CDH18: variants seen among roughly 807,000 people sequenced by gnomAD.
CDH18 encodes cadherin 18.
Under a neutral mutation model 67.9 loss-of-function variants are expected in CDH18, and 31 were observed. The observed-to-expected ratio is 0.46, with a 90% CI of 0.34 to 0.62. The LOEUF (loss-of-function observed/expected upper bound fraction) is 0.62, where lower values mean the gene tolerates loss of function less well. Ranked by LOEUF, CDH18 falls within the 20% of genes least tolerant of loss-of-function variation. CDH18 has a pLI of 0.01. For missense variants in CDH18, 890 were observed against 975.5 expected (o/e 0.91, Z 1.17); for synonymous variants, 362 against 347.2 (o/e 1.04, Z -0.48).
intron 1 of CDH18, among the ~76,000 whole-genome samples, chr5:20,570,020 G>A (rs775623791): frequency 2.0e-5 from 3 of 152,126 alleles, no homozygotes; most frequent in Non-Finnish European, 2.9e-5. Flanking sequence ...TTACGGAGAA[G>A]GAACTGAAGA....
intron 4 of CDH18, among the ~76,000 whole-genome samples, chr5:19,735,929 A>G (rs1768261147): frequency 6.6e-6 from 1 of 152,226 alleles, no homozygotes; most frequent in South Asian, 2.1e-4. Flanking sequence ...GGATATCTAC[A>G]TGACAATTAT....
chr5:19,882,141 CAT>C (rs1787728613), intron 2 of CDH18, among the ~76,000 whole-genome samples: 1 of 152,120 alleles, frequency 6.6e-6, no homozygotes, highest in African/African-American at 2.4e-5. Flanking sequence ...ACTCATAATA[CAT>C]GTCTTACAAT....
intron 10 of CDH18, among the ~76,000 whole-genome samples, chr5:19,518,027 T>C (rs1034058710): frequency 6.6e-6 from 1 of 152,010 alleles, no homozygotes; most frequent in Non-Finnish European, 1.5e-5. Context: ...ATAATGTATT[T>C]CAAGAACATT....
chr5:20,371,738 AAGG>A (rs770752627), intron 1 of CDH18, among the ~76,000 whole-genome samples: 53 of 152,200 alleles, frequency 3.5e-4, no homozygotes, highest in Non-Finnish European at 7.2e-4. Flanking sequence ...AAAGTTCCTA[AAGG>A]AGAAGGGCCC....
chr5:20,140,218 A>T (rs1169842549), intron 2 of CDH18, among the ~76,000 whole-genome samples: 2 of 152,180 alleles, frequency 1.3e-5, no homozygotes, highest in Non-Finnish European at 2.9e-5. Context: ...TGTCACAAGG[A>T]TAGAAAACCA....
At chr5:19,985,140 T>A (rs1799432786) in intron 1 of CDH18, among the ~76,000 whole-genome samples, 2 of 152,278 alleles carry the variant, frequency 1.3e-5, no homozygotes, top group South Asian at 4.1e-4. Context: ...CCCAAAAATG[T>A]TAGCATATGA....
intron 1 of CDH18, among the ~76,000 whole-genome samples, chr5:20,281,097 C>T (rs946799331): frequency 2.6e-5 from 4 of 152,036 alleles, no homozygotes; most frequent in Admixed American, 2.6e-4. Flanking sequence ...TTTGTGGATT[C>T]TGGATATTAG....
intron 1 of CDH18, among the ~76,000 whole-genome samples, chr5:20,569,146 G>A (rs567442884): frequency 1.9e-4 from 29 of 152,254 alleles, no homozygotes; most frequent in South Asian, 1.2e-3. Flanking sequence ...GCTACGAGTC[G>A]TGTACATACC....
chr5:19,922,258 G>GT (rs1792572779), intron 2 of CDH18, among the ~76,000 whole-genome samples: 1 of 152,062 alleles, frequency 6.6e-6, no homozygotes, highest in African/African-American at 2.4e-5. Flanking sequence ...CATTTCTTGT[G>GT]TTATGCATGT....
At chr5:19,962,431 T>G (rs2150309257) in intron 2 of CDH18, among the ~76,000 whole-genome samples, 1 of 148,128 alleles carries the variant, frequency 6.8e-6, no homozygotes, top group South Asian at 2.2e-4. Flanking sequence ...TTTGACATAT[T>G]TAGACTCAGT....
chr5:19,495,826 G>C (rs963593401), intron 11 of CDH18, among the ~76,000 whole-genome samples: 5 of 151,332 alleles, frequency 3.3e-5, no homozygotes, highest in Admixed American at 3.3e-4. Flanking sequence ...TAATATTCTA[G>C]AGAAGAAGCA....
intron 2 of CDH18, among the ~76,000 whole-genome samples, chr5:19,842,233 C>A (rs532856399): frequency 1.3e-5 from 2 of 152,162 alleles, no homozygotes; most frequent in Non-Finnish European, 2.9e-5. Context: ...CACCACTAGT[C>A]ACTTAGGCAC....
At chr5:19,527,041 A>G (rs964764681) in intron 9 of CDH18, among the ~76,000 whole-genome samples, 1 of 151,966 alleles carries the variant, frequency 6.6e-6, no homozygotes, top group African/African-American at 2.4e-5. Flanking sequence ...ATTTAGAACT[A>G]AAATTACTCT....
chr5:19,996,396 T>A (rs1321296929), intron 2 of CDH18, among the ~76,000 whole-genome samples: 1 of 152,080 alleles, frequency 6.6e-6, no homozygotes, highest in East Asian at 1.9e-4. Context: ...AAGTTTTTGA[T>A]ATAAACAATG....
chr5:19,785,679 AATATATATATATATATATAT>A (rs869169879), intron 3 of CDH18, among the ~76,000 whole-genome samples: 58 of 28,142 alleles, frequency 2.1e-3, no homozygotes, highest in African/African-American at 3.5e-3. Flanking sequence ...AAAAAAAAAA[AATATATATATATATATATAT>A]ATATATATAT....
intron 3 of CDH18, among the ~76,000 whole-genome samples, chr5:19,827,710 T>G (rs1433372812): frequency 6.6e-6 from 1 of 152,084 alleles, no homozygotes; most frequent in African/African-American, 2.4e-5. Flanking sequence ...AGATACACCA[T>G]ACTAGAATAT....
At chr5:20,281,488 T>C (rs1447516451) in intron 1 of CDH18, among the ~76,000 whole-genome samples, 1 of 152,186 alleles carries the variant, frequency 6.6e-6, no homozygotes, top group African/African-American at 2.4e-5. Flanking sequence ...TTCTTGTTTT[T>C]GTCAGGCTTG....
chr5:19,767,246 A>T (rs1409943997), intron 3 of CDH18, among the ~76,000 whole-genome samples: 1 of 152,050 alleles, frequency 6.6e-6, no homozygotes, highest in Non-Finnish European at 1.5e-5. Context: ...AAGCAAAAAT[A>T]ATAACATTAT....
At chr5:19,541,841 CT>C (rs1208895518) in intron 9 of CDH18, among the ~76,000 whole-genome samples, 11 of 152,072 alleles carry the variant, frequency 7.2e-5, no homozygotes, top group African/African-American at 2.2e-4. Flanking sequence ...CATATTAACC[CT>C]CATAATTTTT....
Sources: allele counts gnomAD v4.1 joint callset (sites outside exome capture counted in the v4.1 genomes callset), GRCh38; gene constraint gnomAD v4.1.1; transcripts MANE v1.5; gene names NCBI Gene and HGNC (gene_info 2026-07-23, HGNC 2026-07-21).